ALMS1: variants seen among roughly 807,000 people sequenced by gnomAD.
ALMS1 encodes the protein ALMS1 centrosome and basal body associated protein.
In ALMS1, 271 loss-of-function variants were observed where a neutral mutation model predicts 352.2. The ratio of observed to expected loss-of-function variants is 0.77; its 90% CI spans 0.70 to 0.85. The LOEUF is 0.85. ALMS1 is among the 40% of genes least tolerant of loss of function. The pLI, the probability that ALMS1 is intolerant of heterozygous loss-of-function variation, is 0.00. For synonymous variants in ALMS1, 1,865 were observed against 1,761.2 expected (o/e 1.06, Z -1.48); for missense variants, 5,445 against 4,870.7 (o/e 1.12, Z -3.51).
Position 73,607,792 on chromosome 2 carries a change from T to G in ALMS1, c.12363-683T>G, listed in dbSNP as rs1251916468. On this transcript the variant is annotated intron_variant, in intron 21 of 22. Transcript: ENST00000613296. ...CTGAGTAGCTGAGATTACAGGCATC[T>G]GCCACCATGCCCACCTAATTTTTTT... Among the ~76,000 whole-genome samples, 9 of 151,422 alleles carry G rather than the reference T, an allele frequency of 5.9e-5. No individual in the cohort carries two copies. The East Asian group carries it at 1.7e-3, about 29-fold the overall frequency.
At chr2:73,391,563 G>C (rs1043865034) in intron 1 of ALMS1, among the ~76,000 whole-genome samples, 1 of 152,104 alleles carries the variant, frequency 6.6e-6, no homozygotes, top group South Asian at 2.1e-4. Context: ...AAAGTGCTGG[G>C]ATTACAGGCT....
intron 1 of ALMS1, among the ~76,000 whole-genome samples, chr2:73,396,707 C>T (rs1407103798): frequency 1.3e-5 from 2 of 149,406 alleles, no homozygotes; most frequent in Non-Finnish European, 1.5e-5. Flanking sequence ...TGCAGTGGCG[C>T]GATCTCAGCT....
In ALMS1 at chr2:73,449,623, C is replaced by A. The variant is rs368659119; in HGVS notation, c.3096C>A (p.Gly1032=). Residue 1032 remains glycine, a synonymous_variant, in exon 8 of 23, where the codon GGC becomes GGA. Transcript: ENST00000613296. ...ATEKALKVST[G]PGPADQKTEI... The stretch of plus-strand genomic sequence containing the variant: ...AAAAGGCTCTGAAAGTTTCAACTGG[C>A]CCTGGACCAGCTGACCAGAAGACTG... 8.1e-6 allele frequency: 13 copies of A among 1,613,658 alleles called. No individual in the cohort carries two copies. The African/African-American group carries it at 1.5e-4, about 18-fold the overall frequency.
intron 5 of ALMS1, 147 bp from the exon 6 acceptor site, chr2:73,426,306 C>A: frequency 2.4e-6 from 2 of 818,164 alleles, no homozygotes; most frequent in Non-Finnish European, 4.2e-6. Flanking sequence ...GTGCTTGTAC[C>A]ATTGACCAGT....
At chr2:73,460,711 G>A (rs1419572066) in intron 9 of ALMS1, among the ~76,000 whole-genome samples, 1 of 152,216 alleles carries the variant, frequency 6.6e-6, no homozygotes, top group Non-Finnish European at 1.5e-5. Context: ...GTGACAGACG[G>A]CACCTGGAAA....
At chr2:73,528,823 A>G (rs1673849068) in intron 11 of ALMS1, among the ~76,000 whole-genome samples, 1 of 151,190 alleles carries the variant, frequency 6.6e-6, no homozygotes, top group Non-Finnish European at 1.5e-5. Flanking sequence ...GTCTTCTCTG[A>G]CTGTATTTTC....
At position 73,448,762 on chromosome 2, in the gene ALMS1, C is replaced by T. The variant is rs1476050820; in HGVS notation, c.2235C>T (p.Ala745=). The T allele has an allele frequency of 1.9e-6, 3 of 1,613,624 alleles. No individual in the cohort carries two copies. In the African/African-American group the frequency reaches 4.0e-5, roughly 22 times the overall value. The change falls in exon 8 of 23, where the codon GCC becomes GCT. Residue 745 remains alanine, a synonymous_variant. Coordinates refer to ENST00000613296, the MANE Select transcript of ALMS1 (RefSeq NM_001378454.1). ...AAGAGACTCTTACTAAAGTTTCAGC[C>T]ACTCCTGGACCAGCTGACCAGAAGA... is the stretch of plus-strand genomic sequence containing the variant. ...QTEETLTKVS[A]TPGPADQKTE... is the part of the protein sequence containing the mutation.
Position 73,386,011 on chromosome 2 carries a change from A to T in ALMS1, c.143A>T (p.Glu48Val). Reference sequence around the variant, plus strand: ...GTAGTGGTCGTGGAGGAGGTGGAGGAAGAGGCGGGGCGGGAGTTGGACTCC... The same window carrying T: ...GTAGTGGTCGTGGAGGAGGTGGAGGTAGAGGCGGGGCGGGAGTTGGACTCC... ...DDVVVVEEVE[E>V]EAGRELDSDS... Residue 48 changes from glutamate to valine, a missense_variant, in exon 1 of 23, where the codon GAA (glutamate) becomes GTA (valine). Glu to Val is a moderately radical substitution (Grantham distance 121). Transcript: ENST00000613296. 6.4e-7 allele frequency: 1 copy of T among 1,560,932 alleles called. No homozygotes were observed. The highest frequency in any genetic ancestry group is 2.4e-5 in the East Asian group (1 of 41,344).
intron 15 of ALMS1, among the ~76,000 whole-genome samples, chr2:73,563,485 G>T (rs1674708390): frequency 6.6e-6 from 1 of 152,080 alleles, no homozygotes; most frequent in South Asian, 2.1e-4. Flanking sequence ...CACTTTGGGA[G>T]GCTGAGGCGG....
rs1233763940 is a variant in ALMS1 at position 73,424,616 on chromosome 2, A to C, written c.951A>C (p.Gln317His). 5 of 1,613,888 alleles carry C rather than the reference A, an allele frequency of 3.1e-6. No individual in the cohort carries two copies. The African/African-American group carries it at 6.7e-5, about 22-fold the overall frequency. Reference protein sequence around the residue: ...GSQCPFLPSEQGNNEETISSV... With the variant: ...GSQCPFLPSEHGNNEETISSV... Reference sequence around the variant, plus strand: ...AGTGCCCTTTTTTACCTTCTGAACAAGGGAATAATGAAGAGACTATTTCGT... The same window carrying C: ...AGTGCCCTTTTTTACCTTCTGAACACGGGAATAATGAAGAGACTATTTCGT... Residue 317 changes from glutamine to histidine, a missense_variant, in exon 5 of 23, where the codon CAA becomes CAC. Gln to His is a conservative substitution (Grantham distance 24). Transcript: ENST00000613296.
At chr2:73,469,818 CAT>C (rs1251879181) in intron 9 of ALMS1, 15 of 151,706 alleles carry the variant, frequency 9.9e-5, no homozygotes, top group Admixed American at 9.2e-4. Flanking sequence ...AAGGAATTCA[CAT>C]GTTTATTTTA....
At chr2:73,571,376 A>G (rs1347385223) in intron 15 of ALMS1, among the ~76,000 whole-genome samples, 2 of 152,194 alleles carry the variant, frequency 1.3e-5, no homozygotes, top group East Asian at 3.8e-4. Context: ...TGCTGTAACA[A>G]AATTCTGCAG....
intron 1 of ALMS1, among the ~76,000 whole-genome samples, chr2:73,406,935 G>A (rs1670984979): frequency 6.6e-6 from 1 of 152,168 alleles, no homozygotes; most frequent in Admixed American, 6.5e-5. Context: ...AAAGTTATTA[G>A]TACCCTGTTA....
At chr2:73,468,797 G>A (rs1672410505) in intron 9 of ALMS1, among the ~76,000 whole-genome samples, 1 of 151,900 alleles carries the variant, frequency 6.6e-6, no homozygotes, top group Non-Finnish European at 1.5e-5. Flanking sequence ...TACTTTTAAA[G>A]TAATTAACAA....
At chr2:73,510,953 A>G (rs1250932474) in intron 10 of ALMS1, among the ~76,000 whole-genome samples, 1 of 152,190 alleles carries the variant, frequency 6.6e-6, no homozygotes, top group African/African-American at 2.4e-5. Flanking sequence ...GGCTTCACCC[A>G]GTTGGAAATT....
At chr2:73,487,801 C>T (rs1672885656) in intron 9 of ALMS1, among the ~76,000 whole-genome samples, 1 of 151,968 alleles carries the variant, frequency 6.6e-6, no homozygotes, top group Non-Finnish European at 1.5e-5. Context: ...GGCAGGTCAT[C>T]CTGATGACTG....
chr2:73,463,319 C>A lies in ALMS1; in HGVS notation c.7674+8024C>A, dbSNP rs969395134. Among the ~76,000 whole-genome samples, 25 of 152,260 alleles carry A rather than the reference C, an allele frequency of 1.6e-4. No individual in the cohort carries two copies. The East Asian group carries it at 1.9e-3, about 12-fold the overall frequency. On this transcript the variant is annotated intron_variant, in intron 9 of 22. Coordinates refer to ENST00000613296, the MANE Select transcript of ALMS1 (RefSeq NM_001378454.1). The stretch of plus-strand genomic sequence containing the variant: ...ATCTCACTCAAAACCGCTCAACTAC[C>A]TGGAAACTGAATAACCTGCTCCTGA...
At chr2:73,485,107 A>G (rs993751641) in intron 9 of ALMS1, among the ~76,000 whole-genome samples, 2 of 152,052 alleles carry the variant, frequency 1.3e-5, no homozygotes, top group Admixed American at 6.6e-5. Flanking sequence ...GCTTTGTTCC[A>G]TTGCTGGTGA....
chr2:73,448,162 T>A lies in ALMS1; in HGVS notation c.1635T>A (p.Thr545=), dbSNP rs773202188. 2 of 1,613,926 alleles carry A rather than the reference T, an allele frequency of 1.2e-6. No individual in the cohort carries two copies. The highest frequency in any genetic ancestry group is 1.7e-6 in the Non-Finnish European group (2 of 1,179,948). ...DTLNQKTLAD[T]HLTEETLKVT... ...TCAACCAAAAGACATTAGCAGATAC[T>A]CATCTAACTGAAGAGACTCTGAAAG... The change falls in exon 8 of 23, where the codon ACT becomes ACA. Residue 545 remains threonine (T), a synonymous_variant. Coordinates refer to ENST00000613296, the MANE Select transcript of ALMS1 (RefSeq NM_001378454.1).
Sources: gnomAD v4.1 joint callset for allele counts (sites outside exome capture counted in the v4.1 genomes callset) on GRCh38, gnomAD v4.1.1 for gene constraint, MANE v1.5 for transcripts, NCBI Gene and HGNC (gene_info 2026-07-23, HGNC 2026-07-21) for gene names.